The following CABLES1 variants were observed in gnomAD, a reference collection of about 807,000 sequenced individuals.
CABLES1 encodes the protein CDK5 and ABL1 enzyme substrate 1.
Under a neutral mutation model 57.8 loss-of-function variants are expected in CABLES1, and 36 were observed. That is an observed-to-expected ratio of 0.62 (90% CI 0.48 to 0.82). CABLES1 has a LOEUF of 0.82. CABLES1 is among the 40% of genes least tolerant of loss of function. The pLI is 0.00. For missense variants in CABLES1, 767 were observed against 836.6 expected, an observed-to-expected ratio of 0.92 and a Z score of 1.03; for synonymous variants, 374 against 363.0, an observed-to-expected ratio of 1.03 and a Z score of -0.35.
chr18:23,231,771 A>AT lies in CABLES1; in HGVS notation c.1089-2827dup, dbSNP rs146647222. On this transcript the variant is annotated intron_variant, in intron 4 of 9. Coordinates refer to ENST00000256925, the MANE Select transcript of CABLES1 (RefSeq NM_001100619.3). Reference sequence around the variant, plus strand: ...GGACTTTATACGAGCACATGACTATATTTTTTTTTTGTTAGGGCTTCATTT... The same window carrying AT: ...GGACTTTATACGAGCACATGACTATATTTTTTTTTTTGTTAGGGCTTCATTT... Among the ~76,000 whole-genome samples the AT allele has an allele frequency of 3.1e-3, 461 of 149,792 alleles. 3 individuals carry two copies. Among genetic ancestry groups the AT allele is most frequent in the Middle Eastern group, 3.4e-3 (1 of 292 alleles).
At chr18:23,149,192 C>A (rs1285674668) in intron 1 of CABLES1, among the ~76,000 whole-genome samples, 1 of 152,134 alleles carries the variant, frequency 6.6e-6, no homozygotes, top group Non-Finnish European at 1.5e-5. Context: ...CTGCGCCTGG[C>A]CTCATGCTTT....
At chr18:23,251,978 C>G (rs113458933) in intron 7 of CABLES1, among the ~76,000 whole-genome samples, 1 of 151,574 alleles carries the variant, frequency 6.6e-6, no homozygotes, top group Non-Finnish European at 1.5e-5. Context: ...TCCAGCTACT[C>G]AGGAAGCTGA....
In CABLES1 at chr18:23,135,808, G is replaced by A; in HGVS notation, c.46G>A (p.Gly16Ser). Residue 16 changes from glycine to serine, a missense_variant, in exon 1 of 10, where the codon GGC (glycine) becomes AGC (serine). This residue lies in a region of CABLES1 where 198 missense variants were observed against 149.7 expected (regional missense o/e 1.32). Transcript: ENST00000256925. Reference protein sequence around the residue: ...AAATTAACSSGSAGTDAAGAS... With the variant: ...AAATTAACSSSSAGTDAAGAS... The stretch of plus-strand genomic sequence containing the variant: ...CGCCACCACGGCCGCCTGCAGCAGC[G>A]GCAGCGCCGGCACCGACGCCGCGGG... 1 of 965,572 alleles carries A rather than the reference G, an allele frequency of 1.0e-6. No homozygotes were observed. Among genetic ancestry groups the A allele is most frequent in the Non-Finnish European group, 1.2e-6 (1 of 812,956 alleles). The allele number at this position is 965,572 out of a possible 1,614,324, so 59.8% of individuals were successfully genotyped here. A position where few individuals can be genotyped will look rare whatever the true frequency, so the allele number is the denominator to read the frequency against.
rs111927121 is a variant in CABLES1, at chr18:23,146,804, T to A, written c.845+10197T>A. ...GTTTTAACATTTACATTTTCTAAGT[T>A]GAGAGTTTTCAAAACAAAAACTCTA... On this transcript the variant is annotated intron_variant, in intron 1 of 9. Coordinates refer to ENST00000256925, the MANE Select transcript of CABLES1 (RefSeq NM_001100619.3). 9.5e-3 allele frequency among the ~76,000 whole-genome samples: 1,452 copies of A among 152,294 alleles called. 20 individuals carry two copies. The highest frequency in any genetic ancestry group is 0.034 in the African/African-American group (1,401 of 41,552).
intron 3 of CABLES1, among the ~76,000 whole-genome samples, chr18:23,210,999 A>G (rs182044576): frequency 1.5e-4 from 23 of 152,132 alleles, no homozygotes; most frequent in East Asian, 9.7e-4. Flanking sequence ...AACTTGACCT[A>G]TGCGGTAAAA....
rs774752914 is a variant in CABLES1 at position 23,257,205 on chromosome 18, TTTGA to T, written c.1762-19_1762-16del. On this transcript the variant is annotated intron_variant, in intron 9 of 9. Transcript: ENST00000256925. ...ATTTTAATTTCAAAATGAACATGCT[TTTGA>T]TTTTCTTTTTGTTGCAGAAACTGGA... 1 of 1,605,202 alleles carries T rather than the reference TTTGA, an allele frequency of 6.2e-7. No individual in the cohort carries two copies. The highest frequency in any genetic ancestry group is 1.3e-5 in the African/African-American group (1 of 74,260).
At chr18:23,141,287 C>A (rs1445200063) in intron 1 of CABLES1, among the ~76,000 whole-genome samples, 2 of 152,214 alleles carry the variant, frequency 1.3e-5, no homozygotes, top group Non-Finnish European at 2.9e-5. Context: ...CGCTGCATTG[C>A]CCCTCTTTGG....
intron 3 of CABLES1, among the ~76,000 whole-genome samples, chr18:23,203,467 AAAAAAG>A (rs1024608791): frequency 5.3e-5 from 8 of 152,116 alleles, no homozygotes; most frequent in East Asian, 1.9e-4. Flanking sequence ...TTAAAAAAAA[AAAAAAG>A]AAAGAAACAC....
At chr18:23,186,064 A>T (rs1425029366) in intron 1 of CABLES1, among the ~76,000 whole-genome samples, 3 of 152,196 alleles carry the variant, frequency 2.0e-5, no homozygotes, top group African/African-American at 2.4e-5. Context: ...ACATGCACAG[A>T]GTTAGTTGTG....
In CABLES1 at chr18:23,136,465, G is replaced by A. The variant is rs746862164; in HGVS notation, c.703G>A (p.Gly235Ser). The change falls in exon 1 of 10, where the codon GGC becomes AGC. Residue 235 changes from glycine (G) to serine (S), a missense_variant. Physicochemically the swap from Gly to Ser is moderately conservative, Grantham distance 56. Transcript: ENST00000256925. ...LGSGTPGSGS[G>S]SRGRLNSFTQ... ...CTCCGGGACCCCCGGGAGTGGGAGC[G>A]GCAGTCGGGGACGCCTCAACTCGTT... The A allele has an allele frequency of 7.5e-6, 12 of 1,603,868 alleles. No individual in the cohort carries two copies. In the Admixed American group the frequency reaches 1.9e-4, roughly 25 times the overall value.
chr18:23,174,821 CATATATATATAT>C lies in CABLES1; in HGVS notation c.846-13988_846-13977del, dbSNP rs569579022. Among the ~76,000 whole-genome samples, 463 of 94,564 alleles carry C rather than the reference CATATATATATAT, an allele frequency of 4.9e-3. 11 individuals are homozygous for C. Among genetic ancestry groups the C allele is most frequent in the African/African-American group, 0.015 (362 of 24,584 alleles). 62.0% of individuals were successfully genotyped at this position (94,564 alleles called of 152,430 possible). On this transcript the variant is annotated intron_variant, in intron 1 of 9. Transcript: ENST00000256925. ...ATTTGTATGTATATACATGTTACACCATATATATATATATATATATATATATATATATATATA... is the reference window on the plus strand; with the variant it reads ...ATTTGTATGTATATACATGTTACACCATATATATATATATATATATATATA...
chr18:23,188,959 C>A, intron 2 of CABLES1, 50 bp downstream of exon 2: 2 of 1,316,300 alleles, frequency 1.5e-6, no homozygotes, highest in South Asian at 1.3e-5. Context: ...CCATGACAGC[C>A]AGAGATTGAT....
chr18:23,179,399 C>T (rs974464524), intron 1 of CABLES1, among the ~76,000 whole-genome samples: 1 of 152,226 alleles, frequency 6.6e-6, no homozygotes, highest in Non-Finnish European at 1.5e-5. Context: ...ATCCCAGTGA[C>T]TCCCCCACCC....
At chr18:23,163,543 C>T (rs2047019862) in intron 1 of CABLES1, among the ~76,000 whole-genome samples, 1 of 151,880 alleles carries the variant, frequency 6.6e-6, no homozygotes, top group Admixed American at 6.6e-5. Context: ...TCAGGGAAGC[C>T]TGGGGGGCTG....
At chr18:23,183,853 G>A (rs1293924313) in intron 1 of CABLES1, among the ~76,000 whole-genome samples, 1 of 152,182 alleles carries the variant, frequency 6.6e-6, no homozygotes, top group East Asian at 1.9e-4. Context: ...ATTACAGAGT[G>A]AAAAGTGGCT....
intron 4 of CABLES1, among the ~76,000 whole-genome samples, chr18:23,233,384 A>G (rs1226324302): frequency 6.6e-6 from 1 of 152,154 alleles, no homozygotes; most frequent in Non-Finnish European, 1.5e-5. Flanking sequence ...ACTAGAAATG[A>G]CATTGGATGA....
intron 1 of CABLES1, among the ~76,000 whole-genome samples, chr18:23,184,279 G>C (rs779483726): frequency 6.6e-6 from 1 of 151,874 alleles, no homozygotes; most frequent in African/African-American, 2.4e-5. Context: ...GTGCCCATGC[G>C]TGCTAATGTG....
At chr18:23,194,262 T>C (rs1057173692) in intron 2 of CABLES1, among the ~76,000 whole-genome samples, 186 bp from the exon 3 acceptor site, 2 of 152,142 alleles carry the variant, frequency 1.3e-5, no homozygotes, top group Admixed American at 6.5e-5. Flanking sequence ...AGAAGTTGTC[T>C]ATTATTGGGC....
At chr18:23,189,901 A>G (rs2047229380) in intron 2 of CABLES1, among the ~76,000 whole-genome samples, 1 of 152,246 alleles carries the variant, frequency 6.6e-6, no homozygotes, top group Admixed American at 6.5e-5. Flanking sequence ...GAGTGAGCAC[A>G]GACAGCCTGG....
Sources: allele counts gnomAD v4.1 joint callset (sites outside exome capture counted in the v4.1 genomes callset), GRCh38; gene constraint gnomAD v4.1.1; regional missense constraint gnomAD v4.1.1; transcripts MANE v1.5; gene names NCBI Gene and HGNC (gene_info 2026-07-23, HGNC 2026-07-21).